The following SS18 variants were observed in gnomAD, a reference collection of about 807,000 sequenced individuals.
The protein encoded by SS18 is protein SSXT.
SS18 carries 28 observed loss-of-function variants against 72.5 expected under a neutral mutation model. The ratio of observed to expected loss-of-function variants is 0.39; its 90% CI spans 0.29 to 0.53. SS18 has a LOEUF of 0.53. SS18 is among the 20% of genes least tolerant of loss of function. SS18 has a pLI of 0.76. For synonymous variants in SS18, 172 were observed against 164.2 expected (o/e 1.05, Z -0.37); for missense variants, 518 against 535.3 (o/e 0.97, Z 0.32).
chr18:26,036,959 A>G (rs114981783), intron 7 of SS18, among the ~76,000 whole-genome samples: 2 of 152,124 alleles, frequency 1.3e-5, no homozygotes, highest in African/African-American at 4.8e-5. Flanking sequence ...GACCAAAACC[A>G]TATGGCCCAC....
intron 3 of SS18, among the ~76,000 whole-genome samples, chr18:26,074,216 T>C (rs1246354948): frequency 2.6e-5 from 4 of 151,612 alleles, no homozygotes; most frequent in Non-Finnish European, 5.9e-5. Flanking sequence ...TGAGTAAAAA[T>C]CTATTCAAAG....
chr18:26,072,297 T>A (rs956090320), intron 3 of SS18, among the ~76,000 whole-genome samples: 1 of 151,512 alleles, frequency 6.6e-6, no homozygotes, highest in Non-Finnish European at 1.5e-5. Context: ...AATTAATTAT[T>A]GGCCGGGCAC....
rs574971384 is a variant in SS18 at position 26,018,115 on chromosome 18, A to G, written c.*239T>C. On this transcript the variant is annotated 3_prime_UTR_variant, in exon 11 of 11. Transcript: ENST00000415083. ...CATTACAAATTGGTTATGTCATTGCATTTTCTGTCCAATGTTGCCATCTAG... is the reference window on the plus strand; with the variant it reads ...CATTACAAATTGGTTATGTCATTGCGTTTTCTGTCCAATGTTGCCATCTAG... The G allele has an allele frequency of 4.8e-4, 193 of 398,954 alleles. 1 individual carries two copies. The highest frequency in any genetic ancestry group is 8.2e-4 in the Non-Finnish European group (183 of 222,216). 24.7% of individuals were successfully genotyped at this position (398,954 alleles called of 1,614,324 possible).
At chr18:26,025,107 G>A (rs1230892470) in intron 10 of SS18, among the ~76,000 whole-genome samples, 1 of 152,020 alleles carries the variant, frequency 6.6e-6, no homozygotes, top group African/African-American at 2.4e-5. Context: ...AGAAAGATTT[G>A]AAAATCTCCA....
At chr18:26,032,273 T>G in intron 10 of SS18, 126 bp downstream of exon 10, 1 of 1,103,670 alleles carries the variant, frequency 9.1e-7, no homozygotes, top group South Asian at 1.6e-5. Flanking sequence ...TGTTAACAAA[T>G]GTACCATAAA....
chr18:26,038,260 CAT>C (rs1199528219), intron 7 of SS18, among the ~76,000 whole-genome samples: 2 of 151,864 alleles, frequency 1.3e-5, no homozygotes, highest in African/African-American at 4.8e-5. Flanking sequence ...AATCAATAAA[CAT>C]AAGCTTTGGC....
chr18:26,033,665 T>C (rs1176747910), intron 9 of SS18, among the ~76,000 whole-genome samples: 3 of 152,112 alleles, frequency 2.0e-5, no homozygotes, highest in African/African-American at 4.8e-5. Context: ...AGCCTATTAT[T>C]TATTATATAT....
At chr18:26,055,602 T>C (rs2054003653) in intron 4 of SS18, among the ~76,000 whole-genome samples, 1 of 151,950 alleles carries the variant, frequency 6.6e-6, no homozygotes, top group Non-Finnish European at 1.5e-5. Flanking sequence ...CAAACTGAAA[T>C]AGGAAACAGC....
Position 26,052,634 on chromosome 18 carries a change from C to T in SS18, c.597G>A (p.Gln199=). Residue 199 remains glutamine, a synonymous_variant, in exon 5 of 11, where the codon CAG becomes CAA. Coordinates refer to ENST00000415083, the MANE Select transcript of SS18 (RefSeq NM_001007559.3). ...NYGPRPNMSM[Q]PNQGPMMHQQ... ...ATAAAGCTTAGTTACCTTGGTTTGG[C>T]TGCATACTCATATTTGGTCTGGGAC... The T allele has an allele frequency of 6.2e-7, 1 of 1,613,824 alleles. No individual in the cohort carries two copies. The highest frequency in any genetic ancestry group is 8.5e-7 in the Non-Finnish European group (1 of 1,179,710).
At chr18:26,070,569 CTAAG>C (rs1315800031) in intron 3 of SS18, among the ~76,000 whole-genome samples, 26 of 152,144 alleles carry the variant, frequency 1.7e-4, no homozygotes, top group Non-Finnish European at 1.0e-4. Flanking sequence ...AGTAAAATGC[CTAAG>C]TGTTAGTGCA....
rs931326105 is a variant in SS18, at chr18:26,032,597, T to G, written c.1097-65A>C. The G allele has an allele frequency of 1.9e-6, 3 of 1,562,018 alleles. No homozygotes were observed. The African/African-American group carries it at 4.1e-5, about 21-fold the overall frequency. ...TAAGTCCCTAGAACTCAGGGAAGGA[T>G]GTGAACTACAGAGATGTTACTGTAT... On this transcript the variant is annotated intron_variant, in intron 9 of 10. Coordinates refer to ENST00000415083, the MANE Select transcript of SS18 (RefSeq NM_001007559.3).
rs78823667 is a variant in SS18 at position 26,038,001 on chromosome 18, T to G, written c.880+554A>C. Among the ~76,000 whole-genome samples the G allele has an allele frequency of 4.3e-3, 658 of 152,246 alleles. 4 individuals carry two copies. Among genetic ancestry groups the G allele is most frequent in the African/African-American group, 0.014 (592 of 41,568 alleles). On this transcript the variant is annotated intron_variant, in intron 7 of 10. Coordinates refer to ENST00000415083, the MANE Select transcript of SS18 (RefSeq NM_001007559.3). Reference sequence around the variant, plus strand: ...TCTTATTTCCAAATTGCCTTTCCCATTCTACTCAATCTCTATATGGCTATA... The same window carrying G: ...TCTTATTTCCAAATTGCCTTTCCCAGTCTACTCAATCTCTATATGGCTATA...
chr18:26,038,567 A>G lies in SS18; in HGVS notation c.868T>C (p.Tyr290His). ...QGPPEGMNQQ[Y>H]YPDGHNDYGY... ...CAGGAGAGATTACCATCAGGGTAAT[A>G]TTGCTGGTTCATGCCTTCTGGAGGA... The change falls in exon 7 of 11, where the codon TAT (tyrosine) becomes CAT (histidine). Residue 290 changes from tyrosine (Y) to histidine (H), a missense_variant. Physicochemically the swap from Tyr to His is moderately conservative, Grantham distance 83 (BLOSUM62 2). Coordinates refer to ENST00000415083, the MANE Select transcript of SS18 (RefSeq NM_001007559.3). The G allele has an allele frequency of 1.9e-6, 3 of 1,612,502 alleles. No homozygotes were observed. The highest frequency in any genetic ancestry group is 2.5e-6 in the Non-Finnish European group (3 of 1,178,622).
At chr18:26,043,102 A>G (rs1467512022) in intron 5 of SS18, among the ~76,000 whole-genome samples, 1 of 152,132 alleles carries the variant, frequency 6.6e-6, no homozygotes, top group East Asian at 1.9e-4. Context: ...TGAAACGGGT[A>G]GTATTATTAT....
intron 10 of SS18, among the ~76,000 whole-genome samples, chr18:26,020,640 A>G (rs976246302): frequency 2.6e-5 from 4 of 152,214 alleles, no homozygotes; most frequent in African/African-American, 9.7e-5. Context: ...AATGTGGAAA[A>G]CAGAGAAGAC....
At chr18:26,039,161 C>T (rs1196149438) in intron 6 of SS18, 128 bp downstream of exon 6, 1 of 797,086 alleles carries the variant, frequency 1.3e-6, no homozygotes, top group East Asian at 2.7e-5. Flanking sequence ...AGAACCCTAC[C>T]TTTTGTCAAA....
chr18:26,079,670 T>C (rs9948230), intron 2 of SS18, among the ~76,000 whole-genome samples: 14,481 of 151,970 alleles, frequency 0.095, 2,047 homozygotes, highest in African/African-American at 0.31. Context: ...GCAGCCTTGA[T>C]CTCCTGGGCT....
intron 10 of SS18, among the ~76,000 whole-genome samples, chr18:26,027,703 A>AAAAAAAAAAAAAAAAAAAGAC (rs1555643837): frequency 3.2e-5 from 4 of 124,698 alleles, no homozygotes; most frequent in African/African-American, 1.4e-4. Flanking sequence ...AAAAAAAAAA[A>AAAAAAAAAAAAAAAAAAAGAC]AGTCTTTTCA....
chr18:26,032,582 G>C (rs758380832), intron 9 of SS18, 50 bp from the exon 10 acceptor site: 72 of 1,595,238 alleles, frequency 4.5e-5, no homozygotes, highest in Non-Finnish European at 6.2e-5. Flanking sequence ...TAAGTCCCTA[G>C]AACTCAGGGA....
Sources: gnomAD v4.1 joint callset for allele counts (sites outside exome capture counted in the v4.1 genomes callset) on GRCh38, gnomAD v4.1.1 for gene constraint, MANE v1.5 for transcripts, NCBI Gene and HGNC (gene_info 2026-07-23, HGNC 2026-07-21) for gene names.